The following TSEN2 variants were observed in gnomAD, a reference collection of about 807,000 sequenced individuals.
The protein encoded by TSEN2 is tRNA splicing endonuclease subunit 2.
TSEN2 carries 54 observed loss-of-function variants against 59.2 expected under a neutral mutation model. That is an observed-to-expected ratio of 0.91 (90% confidence interval 0.73 to 1.14). TSEN2 has a LOEUF of 1.14. TSEN2 is among the 50% of genes most tolerant of loss of function. The pLI is 0.00. For synonymous variants in TSEN2, 195 were observed against 198.2 expected, an observed-to-expected ratio of 0.98 and a Z score of 0.14; for missense variants, 636 against 576.2, an observed-to-expected ratio of 1.10 and a Z score of -1.06.
rs185822223 is a variant in TSEN2 at position 12,493,770 on chromosome 3, A to G, written c.271+1553A>G. Among the ~76,000 whole-genome samples, 9 of 152,354 alleles carry G rather than the reference A, an allele frequency of 5.9e-5. No homozygotes were observed. In the East Asian group the frequency reaches 1.3e-3, roughly 23 times the overall value. ...ACAGAGCAAGACTCCATTTCTAAAT[A>G]AATAAATAAAATAAAATAGTCATCC... On this transcript the variant is annotated intron_variant, in intron 3 of 11. Coordinates refer to ENST00000284995, the MANE Select transcript of TSEN2 (RefSeq NM_025265.4).
At chr3:12,481,892 G>C (rs2052197211), upstream of TSEN2, among the ~76,000 whole-genome samples, 1 of 90,572 alleles carries the variant, frequency 1.1e-5, no homozygotes, top group Non-Finnish European at 2.2e-5. Context: ...CTACACAGTT[G>C]ATATATGTGT....
In TSEN2 at chr3:12,520,541, G is replaced by A. The variant is rs1415972688; in HGVS notation, c.1099+1344G>A. On this transcript the variant is annotated intron_variant, in intron 8 of 11. Coordinates refer to ENST00000284995, the MANE Select transcript of TSEN2 (RefSeq NM_025265.4). ...GCGGTGGCTCACGCCTGTAATCCCA[G>A]CACTTTGGGAGGCCGAGGCGGGCAG... Among the ~76,000 whole-genome samples, 3 of 152,136 alleles carry A rather than the reference G, an allele frequency of 2.0e-5. No individual in the cohort carries two copies. In the South Asian group the frequency reaches 6.2e-4, roughly 31 times the overall value.
intron 1 of TSEN2, among the ~76,000 whole-genome samples, chr3:12,485,445 G>A (rs1239675949): frequency 6.6e-6 from 1 of 152,140 alleles, no homozygotes; most frequent in Non-Finnish European, 1.5e-5. Context: ...GATTTCTCAG[G>A]GGTGCGCCCG....
intron 8 of TSEN2, among the ~76,000 whole-genome samples, chr3:12,523,318 A>G (rs1430667991): frequency 6.6e-6 from 1 of 152,046 alleles, no homozygotes; most frequent in Non-Finnish European, 1.5e-5. Flanking sequence ...CTTTCTGCCA[A>G]TTTGAAGTCC....
Position 12,503,559 on chromosome 3 carries a change from A to T in TSEN2, c.606A>T (p.Thr202=). ...CLQEGSGCHP[T]TESFEKSVRE... is the part of the protein sequence containing the mutation. ...AGGAGGGCTCTGGCTGCCACCCAAC[A>T]ACAGAGAGCTTTGAGAAAAGCGTGC... Residue 202 remains threonine, a synonymous_variant, in exon 5 of 12, where the codon ACA becomes ACT. Coordinates refer to ENST00000284995, the MANE Select transcript of TSEN2 (RefSeq NM_025265.4). 1 of 1,609,196 alleles carries T rather than the reference A, an allele frequency of 6.2e-7. No individual in the cohort carries two copies. The highest frequency in any genetic ancestry group is 8.5e-7 in the Non-Finnish European group (1 of 1,176,418).
Position 12,496,820 on chromosome 3 carries a change from T to A in TSEN2, c.308+266T>A, listed in dbSNP as rs540651491. Among the ~76,000 whole-genome samples, 4 of 152,358 alleles carry A rather than the reference T, an allele frequency of 2.6e-5. No homozygotes were observed. The East Asian group carries it at 7.7e-4, about 29-fold the overall frequency. The stretch of plus-strand genomic sequence containing the variant: ...AATAACTATCCTGTAATAGCTATGT[T>A]ATTAAGTCCTCATATTCTTGGGCCT... On this transcript the variant is annotated intron_variant, in intron 4 of 11. Coordinates refer to ENST00000284995, the MANE Select transcript of TSEN2 (RefSeq NM_025265.4).
chr3:12,538,119 G>T (rs1052076722), downstream of TSEN2, among the ~76,000 whole-genome samples: 6 of 152,210 alleles, frequency 3.9e-5, no homozygotes, highest in Non-Finnish European at 8.8e-5. Context: ...GCTATGCCAT[G>T]CATTCTTTCC....
chr3:12,511,481 A>C (rs36123022), intron 6 of TSEN2, among the ~76,000 whole-genome samples: 13,686 of 152,136 alleles, frequency 0.09, 763 homozygotes, highest in Admixed American at 0.17. Context: ...CAAAGCTAAA[A>C]TCCCATCTCC....
chr3:12,492,660 T>G lies in TSEN2; in HGVS notation c.271+443T>G, dbSNP rs192212334. Among the ~76,000 whole-genome samples the G allele has an allele frequency of 3.0e-4, 46 of 152,342 alleles. 1 individual carries two copies. The highest frequency in any genetic ancestry group is 6.5e-4 in the Admixed American group (10 of 15,300). On this transcript the variant is annotated intron_variant, in intron 3 of 11. Transcript: ENST00000284995. Reference sequence around the variant, plus strand: ...TCTAAGGAATTCTCATGGTAATTACTTAAGAACCAATACCAGCATGTTAAA... The same window carrying G: ...TCTAAGGAATTCTCATGGTAATTACGTAAGAACCAATACCAGCATGTTAAA...
chr3:12,499,084 C>G (rs1048581966), intron 4 of TSEN2, among the ~76,000 whole-genome samples: 2 of 152,126 alleles, frequency 1.3e-5, no homozygotes, highest in Admixed American at 6.6e-5. Context: ...TCTGATGCCT[C>G]TGAAATTCTG....
chr3:12,522,035 AAAAT>A (rs1424877259), intron 8 of TSEN2, among the ~76,000 whole-genome samples: 3 of 152,052 alleles, frequency 2.0e-5, no homozygotes, highest in Non-Finnish European at 4.4e-5. Flanking sequence ...ATAAAAATAA[AAAAT>A]AAAAATTAAG....
At chr3:12,512,082 G>A (rs1337539670) in intron 6 of TSEN2, among the ~76,000 whole-genome samples, 1 of 152,196 alleles carries the variant, frequency 6.6e-6, no homozygotes, top group Non-Finnish European at 1.5e-5. Context: ...CTCCTTCAGA[G>A]GAAGATAGTG....
chr3:12,489,907 A>T lies in TSEN2; in HGVS notation c.107A>T (p.Glu36Val). Residue 36 changes from glutamate to valine, a missense_variant, in exon 2 of 12, where the codon GAA becomes GTA. Glu to Val is a moderately radical substitution (Grantham distance 121). Coordinates refer to ENST00000284995, the MANE Select transcript of TSEN2 (RefSeq NM_025265.4). ...PFGQDHGPLK[E>V]FKIFRAEMIN... The stretch of plus-strand genomic sequence containing the variant: ...GGTCAGGACCATGGTCCTCTGAAAG[A>T]ATTCAAGATATTCCGTGCTGAAATG... 1 of 1,614,186 alleles carries T rather than the reference A, an allele frequency of 6.2e-7. No homozygotes were observed. The highest frequency in any genetic ancestry group is 8.5e-7 in the Non-Finnish European group (1 of 1,180,028).
At chr3:12,499,279 G>C (rs1331040021) in intron 4 of TSEN2, among the ~76,000 whole-genome samples, 1 of 152,190 alleles carries the variant, frequency 6.6e-6, no homozygotes, top group Non-Finnish European at 1.5e-5. Flanking sequence ...TGGTCGTGCT[G>C]GTTGCCCACC....
intron 8 of TSEN2, among the ~76,000 whole-genome samples, chr3:12,524,311 A>G (rs1259230645): frequency 6.6e-6 from 1 of 152,216 alleles, no homozygotes; most frequent in African/African-American, 2.4e-5. Flanking sequence ...AGAAATTACC[A>G]CAAATTGGGT....
chr3:12,536,075 T>C (rs1429534438), downstream of TSEN2, among the ~76,000 whole-genome samples: 1 of 152,194 alleles, frequency 6.6e-6, no homozygotes, highest in East Asian at 1.9e-4. Flanking sequence ...CCATCCTTAT[T>C]TTCTCTAGGA....
chr3:12,536,277 G>T (rs1206880256), downstream of TSEN2, among the ~76,000 whole-genome samples: 1 of 152,174 alleles, frequency 6.6e-6, no homozygotes, highest in African/African-American at 2.4e-5. Flanking sequence ...TTGTTTTTTA[G>T]TAATGGTAGG....
intron 9 of TSEN2, among the ~76,000 whole-genome samples, chr3:12,529,465 CAAAAAAAAAA>C (rs36043558): frequency 9.5e-6 from 1 of 105,710 alleles, no homozygotes; most frequent in Non-Finnish European, 1.9e-5. Context: ...GACTCCGTCT[CAAAAAAAAAA>C]AAAAAAAAAA....
chr3:12,485,099 G>A (rs1302710316), intron 1 of TSEN2, among the ~76,000 whole-genome samples: 1 of 152,190 alleles, frequency 6.6e-6, no homozygotes, highest in African/African-American at 2.4e-5. Flanking sequence ...GCTCCCCAGA[G>A]GCAGGATTGT....
Sources: gnomAD v4.1 joint callset for allele counts (sites outside exome capture counted in the v4.1 genomes callset) on GRCh38, gnomAD v4.1.1 for gene constraint, MANE v1.5 for transcripts, NCBI Gene and HGNC (gene_info 2026-07-23, HGNC 2026-07-21) for gene names.